Variants in STK39 observed in about 807,000 individuals in gnomAD.
STK39 encodes serine/threonine kinase 39.
STK39 carries 20 observed loss-of-function variants against 77.8 expected under a neutral mutation model. The ratio of observed to expected loss-of-function variants is 0.26; its 90% CI spans 0.18 to 0.37. The LOEUF (loss-of-function observed/expected upper bound fraction) is 0.37, where lower values mean the gene tolerates loss of function less well. Among genes scored for constraint, STK39 ranks in the 10% least tolerant of loss-of-function variants. The probability of loss-of-function intolerance (pLI) is 1.00; values close to 1 mark genes in which losing one functional copy is unlikely to be tolerated. For missense variants in STK39, 479 were observed against 656.5 expected (o/e 0.73, Z 2.95); for synonymous variants, 246 against 234.1 (o/e 1.05, Z -0.47).
intron 16 of STK39, among the ~76,000 whole-genome samples, chr2:167,973,969 A>C (rs1451970822): frequency 1.3e-5 from 2 of 152,208 alleles, no homozygotes; most frequent in African/African-American, 4.8e-5. Flanking sequence ...GTTTATGAGA[A>C]TCTCACCTTA....
intron 1 of STK39, among the ~76,000 whole-genome samples, chr2:168,213,690 A>T (rs62922961): frequency 6.5e-4 from 39 of 60,252 alleles, no homozygotes; most frequent in South Asian, 1.7e-3. Context: ...AGCCATATTT[A>T]AAAAAAAAAA....
At position 168,065,260 on chromosome 2, in the gene STK39, T is replaced by G. The variant is rs1011821111; in HGVS notation, c.1305+59A>C. 1.2e-5 allele frequency: 19 copies of G among 1,585,596 alleles called. 1 individual carries two copies. The South Asian group carries it at 2.1e-4, about 18-fold the overall frequency. On this transcript the variant is annotated intron_variant, in intron 13 of 17. Coordinates refer to ENST00000355999, the MANE Select transcript of STK39 (RefSeq NM_013233.3). ...ATTGTCTATCTTTCTAAAATGTTGG[T>G]TTTTTAAAGGATCTGTCTACAAAGC...
chr2:168,042,577 C>CTTTTTTTTTTTTT (rs540413448), intron 14 of STK39, among the ~76,000 whole-genome samples: 5 of 133,046 alleles, frequency 3.8e-5, no homozygotes, highest in Non-Finnish European at 4.8e-5. Context: ...TTCCTTCCTT[C>CTTTTTTTTTTTTT]TTTTTTTTTT....
chr2:167,990,839 T>C lies in STK39; in HGVS notation c.1498+21795A>G, dbSNP rs149817186. 3.7e-3 allele frequency among the ~76,000 whole-genome samples: 571 copies of C among 152,332 alleles called. 3 individuals are homozygous for C. Among genetic ancestry groups the C allele is most frequent in the Non-Finnish European group, 5.9e-3 (403 of 68,032 alleles). ...ATTGGTCAACAAATTCCTGCGTACA[T>C]GGAGCTTAGTCCTGTGATAGGTGAA... On this transcript the variant is annotated intron_variant, in intron 16 of 17. Coordinates refer to ENST00000355999, the MANE Select transcript of STK39 (RefSeq NM_013233.3).
intron 14 of STK39, among the ~76,000 whole-genome samples, chr2:168,061,252 A>AC (rs1457069120): frequency 2.6e-5 from 4 of 152,218 alleles, no homozygotes; most frequent in Admixed American, 1.3e-4. Flanking sequence ...CAAAAAAAAA[A>AC]AAAACCACAT....
intron 8 of STK39, among the ~76,000 whole-genome samples, chr2:168,136,839 C>T (rs552594495): frequency 6.6e-6 from 1 of 152,306 alleles, no homozygotes; most frequent in South Asian, 2.1e-4. Context: ...GGAAGGAAAA[C>T]AAGCCCTATG....
intron 2 of STK39, among the ~76,000 whole-genome samples, chr2:168,176,798 A>C (rs150877585): frequency 8.3e-4 from 126 of 152,302 alleles, no homozygotes; most frequent in African/African-American, 2.9e-3. Flanking sequence ...ACCCAAATCT[A>C]TGAATTTACA....
intron 10 of STK39, among the ~76,000 whole-genome samples, chr2:168,127,730 T>C (rs1032843913): frequency 2.6e-5 from 4 of 152,220 alleles, no homozygotes; most frequent in African/African-American, 9.6e-5. Context: ...AAACCACTTT[T>C]GAGCAACTAA....
Position 168,241,086 on chromosome 2 carries a change from C to T in STK39, c.208+6142G>A, listed in dbSNP as rs184382228. 1.2e-4 allele frequency among the ~76,000 whole-genome samples: 17 copies of T among 143,530 alleles called. 1 individual carries two copies. In the East Asian group the frequency reaches 1.7e-3, roughly 15 times the overall value. 94.2% of individuals were successfully genotyped at this position (143,530 alleles called of 152,430 possible). Reference sequence around the variant, plus strand: ...ACAATTTAGCAGTGAAAGGAAGAAACGAGATAACCGAGTAGCCAGAGGAGA... The same window carrying T: ...ACAATTTAGCAGTGAAAGGAAGAAATGAGATAACCGAGTAGCCAGAGGAGA... On this transcript the variant is annotated intron_variant, in intron 1 of 17. Coordinates refer to ENST00000355999, the MANE Select transcript of STK39 (RefSeq NM_013233.3).
intron 14 of STK39, among the ~76,000 whole-genome samples, chr2:168,054,295 T>A (rs142526041): frequency 9.2e-5 from 14 of 152,350 alleles, no homozygotes; most frequent in Non-Finnish European, 1.6e-4. Context: ...AAGACCCACC[T>A]CTGCTTCTTG....
intron 10 of STK39, among the ~76,000 whole-genome samples, chr2:168,098,996 G>A (rs1274899389): frequency 1.3e-5 from 2 of 152,188 alleles, no homozygotes; most frequent in African/African-American, 4.8e-5. Context: ...ACACTGTAAG[G>A]AGGAGAGATC....
At chr2:168,242,560 A>AAAAAT (rs1296747890) in intron 1 of STK39, among the ~76,000 whole-genome samples, 3 of 44,868 alleles carry the variant, frequency 6.7e-5, no homozygotes, top group South Asian at 7.2e-4. Context: ...AAAAAAAAAA[A>AAAAAT]ATATATATAT....
At chr2:168,093,793 G>A (rs767694413) in intron 10 of STK39, among the ~76,000 whole-genome samples, 2 of 152,148 alleles carry the variant, frequency 1.3e-5, no homozygotes, top group Non-Finnish European at 2.9e-5. Flanking sequence ...CAAACTGGTC[G>A]CTGCATGTCT....
intron 14 of STK39, among the ~76,000 whole-genome samples, chr2:168,036,957 T>G (rs1041757439): frequency 1.6e-4 from 24 of 152,226 alleles, no homozygotes; most frequent in Non-Finnish European, 3.5e-4. Context: ...ACAAATACGT[T>G]CAGAATAACC....
intron 14 of STK39, among the ~76,000 whole-genome samples, chr2:168,028,914 T>C (rs1328679186): frequency 6.6e-6 from 1 of 152,224 alleles, no homozygotes; most frequent in Non-Finnish European, 1.5e-5. Flanking sequence ...TAGGTGTATT[T>C]ATACAAACTG....
chr2:168,224,648 TCTC>T (rs1226683460), intron 1 of STK39, among the ~76,000 whole-genome samples: 3 of 152,192 alleles, frequency 2.0e-5, no homozygotes, highest in Non-Finnish European at 4.4e-5. Context: ...AAGAGATTTT[TCTC>T]CTAACTAATA....
chr2:168,132,879 T>C (rs1243630229), intron 8 of STK39, among the ~76,000 whole-genome samples: 1 of 152,148 alleles, frequency 6.6e-6, no homozygotes, highest in Non-Finnish European at 1.5e-5. Context: ...CTCAATTTCA[T>C]ACTATAATCA....
chr2:168,057,318 G>C (rs963176685), intron 14 of STK39, among the ~76,000 whole-genome samples: 1 of 152,130 alleles, frequency 6.6e-6, no homozygotes, highest in African/African-American at 2.4e-5. Flanking sequence ...TCAGCCTCCT[G>C]AGTAGCTGGG....
At chr2:167,982,749 A>G (rs1172642176) in intron 16 of STK39, among the ~76,000 whole-genome samples, 2 of 152,162 alleles carry the variant, frequency 1.3e-5, no homozygotes, top group Non-Finnish European at 2.9e-5. Context: ...GTAGCCAAGA[A>G]TAGGGAGCAC....
Sources: gnomAD v4.1 joint callset for allele counts (sites outside exome capture counted in the v4.1 genomes callset) on GRCh38, gnomAD v4.1.1 for gene constraint, MANE v1.5 for transcripts, NCBI Gene and HGNC (gene_info 2026-07-23, HGNC 2026-07-21) for gene names.